The following ESR1 variants were observed in gnomAD, a reference collection of about 807,000 sequenced individuals.
ESR1 encodes the protein estrogen receptor 1, also known as estrogen receptor.
Under a neutral mutation model 52.7 loss-of-function variants are expected in ESR1, and 12 were observed. The observed-to-expected ratio is 0.23, with a 90% CI of 0.15 to 0.37. ESR1 has a LOEUF of 0.37. Ranked by LOEUF, ESR1 falls within the 10% of genes least tolerant of loss-of-function variation. The pLI is 1.00. For missense variants in ESR1, 584 were observed against 779.7 expected, an observed-to-expected ratio of 0.75 and a Z score of 2.99; for synonymous variants, 305 against 316.8, an observed-to-expected ratio of 0.96 and a Z score of 0.39.
intron 1 of ESR1, among the ~76,000 whole-genome samples, chr6:151,830,578 C>T (rs947272322): frequency 3.9e-5 from 6 of 152,094 alleles, no homozygotes; most frequent in African/African-American, 1.4e-4. Flanking sequence ...GGTTCCCAGA[C>T]CTCACCATTC....
Position 151,808,250 on chromosome 6 carries a change from C to T in ESR1, c.338C>T (p.Pro113Leu). ...CCGAGCCCGCTGATGCTACTGCACC[C>T]GCCGCCGCAGCTGTCGCCTTTCCTG... ...VSPSPLMLLH[P>L]PPQLSPFLQP... The change falls in exon 1 of 8, where the codon CCG (proline) becomes CTG (leucine). Residue 113 changes from proline (P) to leucine (L), a missense_variant. This residue lies in a region of ESR1 where 251 missense variants were observed against 246.1 expected (regional missense o/e 1.02). Transcript: ENST00000206249. The T allele has an allele frequency of 1.9e-6, 3 of 1,578,262 alleles. No individual in the cohort carries two copies. Among genetic ancestry groups the T allele is most frequent in the African/African-American group, 2.7e-5 (2 of 74,476 alleles).
intron 2 of ESR1, among the ~76,000 whole-genome samples, chr6:151,794,578 G>T (rs573342112): frequency 2.0e-4 from 31 of 151,764 alleles, no homozygotes; most frequent in Admixed American, 5.9e-4. Flanking sequence ...TATTTACAAA[G>T]GTTTAAAATC....
intron 7 of ESR1, among the ~76,000 whole-genome samples, chr6:152,097,761 C>T (rs2050739285): frequency 6.6e-6 from 1 of 152,040 alleles, no homozygotes; most frequent in African/African-American, 2.4e-5. Flanking sequence ...CCCTTGTTTT[C>T]CTGAACGTGA....
intron 2 of ESR1, among the ~76,000 whole-genome samples, chr6:151,738,118 G>A (rs78101041): frequency 6.6e-6 from 1 of 152,156 alleles, no homozygotes; most frequent in African/African-American, 2.4e-5. Flanking sequence ...GTTTTCTGGT[G>A]GTAGGCTTAT....
chr6:151,681,673 T>C (rs1778464368), intron 1 of ESR1, among the ~76,000 whole-genome samples: 2 of 152,212 alleles, frequency 1.3e-5, no homozygotes, highest in Non-Finnish European at 2.9e-5. Context: ...CCTCTTTGCC[T>C]GAATAAATAA....
intron 1 of ESR1, 41 bp downstream of exon 1, chr6:151,808,405 C>A (rs778036931): frequency 3.6e-6 from 3 of 832,282 alleles, no homozygotes; most frequent in Non-Finnish European, 4.9e-6. Context: ...GCCGCCGCGC[C>A]CGGCAGGAGG....
chr6:151,861,051 T>A (rs943437382), intron 2 of ESR1, among the ~76,000 whole-genome samples: 1 of 152,168 alleles, frequency 6.6e-6, no homozygotes, highest in African/African-American at 2.4e-5. Context: ...AAATATACTT[T>A]AAAAAATAAC....
chr6:151,864,941 G>T (rs1421094369), intron 2 of ESR1, among the ~76,000 whole-genome samples: 2 of 111,184 alleles, frequency 1.8e-5, no homozygotes, highest in African/African-American at 7.1e-5. Flanking sequence ...CCTGTTGTGG[G>T]GTGGGGGGAG....
At chr6:151,860,919 A>T (rs959146838) in intron 2 of ESR1, among the ~76,000 whole-genome samples, 6 of 152,166 alleles carry the variant, frequency 3.9e-5, no homozygotes, top group African/African-American at 1.4e-4. Context: ...TTTAAACCTC[A>T]TGAACACGAA....
intron 1 of ESR1, among the ~76,000 whole-genome samples, chr6:151,701,529 C>CAAAAAAAAAA (rs57589542): frequency 3.4e-5 from 3 of 89,412 alleles, no homozygotes; most frequent in East Asian, 4.5e-4. Context: ...CACTACATCT[C>CAAAAAAAAAA]AAAAAAAAAA....
intron 4 of ESR1, among the ~76,000 whole-genome samples, chr6:151,954,523 T>C (rs117780471): frequency 0.019 from 2,894 of 152,336 alleles, 36 homozygotes; most frequent in Middle Eastern, 0.044. Flanking sequence ...GTATTCATTA[T>C]GTGACTTTCA....
intron 6 of ESR1, among the ~76,000 whole-genome samples, chr6:152,113,457 C>T (rs896714471): frequency 6.6e-6 from 1 of 152,084 alleles, no homozygotes; most frequent in African/African-American, 2.4e-5. Flanking sequence ...TGGCTGAGTC[C>T]TCAGTTACCG....
intron 6 of ESR1, among the ~76,000 whole-genome samples, chr6:152,113,778 A>T (rs897054916): frequency 1.3e-5 from 2 of 152,156 alleles, no homozygotes; most frequent in African/African-American, 2.4e-5. Context: ...CCTCATCAAC[A>T]CATCCTATAC....
Position 152,020,997 on chromosome 6 carries a change from A to G in ESR1, c.1235+9203A>G, listed in dbSNP as rs547251017. Among the ~76,000 whole-genome samples, 2 of 152,174 alleles carry G rather than the reference A, an allele frequency of 1.3e-5. 1 individual carries two copies. The highest frequency in any genetic ancestry group is 4.1e-4 in the South Asian group (2 of 4,828). On this transcript the variant is annotated intron_variant, in intron 5 of 7. Coordinates refer to ENST00000206249, the MANE Select transcript of ESR1 (RefSeq NM_000125.4). ...TGCTTTTAGAGATCTTCATTAAGTC[A>G]TTTAATATTCTTATTTGCTATTTCC...
At chr6:151,931,118 A>C (rs369930966) in intron 3 of ESR1, among the ~76,000 whole-genome samples, 1 of 151,950 alleles carries the variant, frequency 6.6e-6, no homozygotes, top group Non-Finnish European at 1.5e-5. Context: ...GTTCTCAGCC[A>C]TTACTACCTC....
intron 2 of ESR1, among the ~76,000 whole-genome samples, chr6:151,728,412 A>G (rs1583038543): frequency 6.6e-6 from 1 of 152,356 alleles, no homozygotes. Flanking sequence ...TCTGTCTATC[A>G]GAAAGTTTTT....
intron 3 of ESR1, among the ~76,000 whole-genome samples, chr6:151,902,537 AT>A (rs1796844979): frequency 6.6e-6 from 1 of 152,220 alleles, no homozygotes; most frequent in Admixed American, 6.5e-5. Context: ...GTCAGATATC[AT>A]TCATGTATTA....
chr6:151,797,217 C>T (rs1267763134), intron 2 of ESR1, among the ~76,000 whole-genome samples: 1 of 152,232 alleles, frequency 6.6e-6, no homozygotes, highest in Non-Finnish European at 1.5e-5. Flanking sequence ...AAGGATGAAT[C>T]TGGGCTGATT....
chr6:151,993,914 A>T (rs1381665483), intron 4 of ESR1, among the ~76,000 whole-genome samples: 1 of 152,148 alleles, frequency 6.6e-6, no homozygotes, highest in East Asian at 1.9e-4. Context: ...GAATTCTACC[A>T]TGGATATCTC....
Sources: gnomAD v4.1 joint callset for allele counts (sites outside exome capture counted in the v4.1 genomes callset) on GRCh38, gnomAD v4.1.1 for gene constraint, gnomAD v4.1.1 regional missense constraint, MANE v1.5 for transcripts, NCBI Gene and HGNC (gene_info 2026-07-23, HGNC 2026-07-21) for gene names.